Variants in ARHGAP24 observed in about 807,000 individuals in gnomAD.
The protein encoded by ARHGAP24 is Rho GTPase activating protein 24.
ARHGAP24 carries 50 observed loss-of-function variants against 76.4 expected under a neutral mutation model. That is an observed-to-expected ratio of 0.65 (90% CI 0.52 to 0.83). The LOEUF (loss-of-function observed/expected upper bound fraction) is 0.83, where lower values mean the gene tolerates loss of function less well. Among genes scored for constraint, ARHGAP24 ranks in the 40% least tolerant of loss-of-function variants. The pLI is 0.00. For synonymous variants in ARHGAP24, 345 were observed against 323.3 expected, an observed-to-expected ratio of 1.07 and a Z score of -0.72; for missense variants, 930 against 914.2, an observed-to-expected ratio of 1.02 and a Z score of -0.22.
rs181029462 is a variant in ARHGAP24, at chr4:85,506,452, C to T, written c.-21+30893C>T. Among the ~76,000 whole-genome samples the T allele has an allele frequency of 3.2e-3, 493 of 152,316 alleles. 4 individuals are homozygous for T. Among genetic ancestry groups the T allele is most frequent in the African/African-American group, 0.011 (460 of 41,570 alleles). On this transcript the variant is annotated intron_variant, in intron 1 of 9. Coordinates refer to ENST00000395184, the MANE Select transcript of ARHGAP24 (RefSeq NM_001025616.3). ...TTACCTACTCAAGCCTCAGCAATGG[C>T]GGACGCCCCTCCCCCAGCCAGGCTG... is the stretch of plus-strand genomic sequence containing the variant.
At chr4:85,609,470 T>C (rs1720311449) in intron 2 of ARHGAP24, among the ~76,000 whole-genome samples, 1 of 152,252 alleles carries the variant, frequency 6.6e-6, no homozygotes, top group Admixed American at 6.5e-5. Flanking sequence ...CACTATCAGT[T>C]GAGTAATTAC....
chr4:85,715,364 T>A, intron 2 of ARHGAP24, among the ~76,000 whole-genome samples: 1 of 152,204 alleles, frequency 6.6e-6, no homozygotes, highest in South Asian at 2.1e-4. Flanking sequence ...TTGCAAAATA[T>A]GGGCCCAAAA....
chr4:85,729,373 TAA>T (rs1047758389), intron 3 of ARHGAP24, among the ~76,000 whole-genome samples: 1 of 152,210 alleles, frequency 6.6e-6, no homozygotes, highest in Admixed American at 6.5e-5. Context: ...CCTTCCTACT[TAA>T]AATACATTAA....
chr4:85,694,660 C>T (rs1723805362), intron 2 of ARHGAP24, among the ~76,000 whole-genome samples: 1 of 152,130 alleles, frequency 6.6e-6, no homozygotes, highest in South Asian at 2.1e-4. Flanking sequence ...GCCCCTCCAC[C>T]CTCTGTGTGT....
rs544326659 is a variant in ARHGAP24, at chr4:85,532,987, G to A, written c.-20-37535G>A. On this transcript the variant is annotated intron_variant, in intron 1 of 9. Transcript: ENST00000395184. ...GAAACCTGTCTGCTAAGACCATGGGGTGACACCTGGAACAAAGTCATCTTC... is the reference window on the plus strand; with the variant it reads ...GAAACCTGTCTGCTAAGACCATGGGATGACACCTGGAACAAAGTCATCTTC... Among the ~76,000 whole-genome samples, 4 of 152,276 alleles carry A rather than the reference G, an allele frequency of 2.6e-5. No homozygotes were observed. In the East Asian group the frequency reaches 7.7e-4, roughly 29 times the overall value.
At chr4:85,780,133 C>A (rs1233449113) in intron 3 of ARHGAP24, among the ~76,000 whole-genome samples, 1 of 151,794 alleles carries the variant, frequency 6.6e-6, no homozygotes, top group Non-Finnish European at 1.5e-5. Context: ...GCTATTAATT[C>A]TTAGATCAAA....
rs182124194 is a variant in ARHGAP24 at position 85,510,607 on chromosome 4, C to T, written c.-21+35048C>T. ...TCCCCTCTCTCCCCCTTGTCTTCCCCGTCTTCCCCTCCCTCCCCTGTCCTT... is the reference window on the plus strand; with the variant it reads ...TCCCCTCTCTCCCCCTTGTCTTCCCTGTCTTCCCCTCCCTCCCCTGTCCTT... On this transcript the variant is annotated intron_variant, in intron 1 of 9. Transcript: ENST00000395184. 1.8e-3 allele frequency among the ~76,000 whole-genome samples: 275 copies of T among 148,718 alleles called. 1 individual carries two copies. Among genetic ancestry groups the T allele is most frequent in the African/African-American group, 6.1e-3 (245 of 40,202 alleles).
At chr4:85,787,207 T>G (rs1449757162) in intron 3 of ARHGAP24, among the ~76,000 whole-genome samples, 1 of 152,228 alleles carries the variant, frequency 6.6e-6, no homozygotes, top group Non-Finnish European at 1.5e-5. Context: ...AACAAGAGGA[T>G]ATGAGCTTGC....
At chr4:85,902,840 G>C (rs982649903) in intron 3 of ARHGAP24, among the ~76,000 whole-genome samples, 1 of 152,226 alleles carries the variant, frequency 6.6e-6, no homozygotes. Flanking sequence ...CTGAGCTCAG[G>C]TGATCCGCCT....
intron 9 of ARHGAP24, chr4:86,000,080 CTT>C (rs35831725): frequency 3.8e-4 from 54 of 143,382 alleles, no homozygotes; most frequent in Admixed American, 7.5e-4. Context: ...TTATTGCCCT[CTT>C]TTTTTTTTTT....
intron 3 of ARHGAP24, among the ~76,000 whole-genome samples, chr4:85,839,838 GTTTTC>G (rs1209044263): frequency 3.8e-5 from 3 of 78,702 alleles, no homozygotes; most frequent in African/African-American, 1.2e-4. Flanking sequence ...TCTTTTTTCT[GTTTTC>G]TTTTTTTTTT....
rs530143413 is a variant in ARHGAP24 at position 85,687,122 on chromosome 4, G to GGATA, written c.181-34754_181-34751dup. Among the ~76,000 whole-genome samples the GGATA allele has an allele frequency of 5.4e-3, 822 of 151,860 alleles. 7 individuals are homozygous for GGATA. Among genetic ancestry groups the GGATA allele is most frequent in the African/African-American group, 0.019 (779 of 41,272 alleles). ...GGTGATGATGATGATGATGATGGAT[G>GGATA]GATAGATAGATAATTTTAATTAAAA... is the stretch of plus-strand genomic sequence containing the variant. On this transcript the variant is annotated intron_variant, in intron 2 of 9. Transcript: ENST00000395184.
intron 3 of ARHGAP24, among the ~76,000 whole-genome samples, chr4:85,850,233 C>T (rs1396643556): frequency 3.9e-5 from 6 of 152,096 alleles, no homozygotes; most frequent in African/African-American, 9.7e-5. Context: ...AGTTTATTTG[C>T]GTAGAGGTGT....
intron 5 of ARHGAP24, among the ~76,000 whole-genome samples, chr4:85,962,967 G>A (rs6851229): frequency 0.36 from 53,865 of 151,256 alleles, 9,767 homozygotes; most frequent in East Asian, 0.53. Flanking sequence ...GATTGGATAT[G>A]TTTAAAATAA....
chr4:85,758,143 G>A (rs1014256750), intron 3 of ARHGAP24, among the ~76,000 whole-genome samples: 1 of 152,164 alleles, frequency 6.6e-6, no homozygotes, highest in Admixed American at 6.5e-5. Context: ...ATCTATGCTT[G>A]TAAGTATGTG....
chr4:85,870,622 A>ACGAGTG (rs1285531522), intron 3 of ARHGAP24, among the ~76,000 whole-genome samples: 11 of 152,156 alleles, frequency 7.2e-5, no homozygotes, highest in Non-Finnish European at 5.9e-5. Flanking sequence ...ATACGAACAT[A>ACGAGTG]CGAGTGCTTG....
Position 85,624,298 on chromosome 4 carries a change from G to A in ARHGAP24, c.180+53577G>A, listed in dbSNP as rs527355435. On this transcript the variant is annotated intron_variant, in intron 2 of 9. Transcript: ENST00000395184. ...TTTTTGGGAGTTTTTAGCATGAAGC[G>A]TTGTTGAATTTTGTCAAAGGCCTTT... Among the ~76,000 whole-genome samples the A allele has an allele frequency of 9.2e-3, 1,394 of 152,178 alleles. 25 individuals are homozygous for A. Among genetic ancestry groups the A allele is most frequent in the African/African-American group, 0.03 (1,228 of 41,530 alleles).
At chr4:85,650,663 T>A (rs4693728) in intron 2 of ARHGAP24, among the ~76,000 whole-genome samples, 52,991 of 148,540 alleles carry the variant, frequency 0.36, 11,860 homozygotes, top group East Asian at 0.84. Context: ...AGAATGCAAT[T>A]TGTGAATATA....
chr4:85,875,736 A>G (rs12502853), intron 3 of ARHGAP24, among the ~76,000 whole-genome samples: 11 of 138,466 alleles, frequency 7.9e-5, no homozygotes, highest in African/African-American at 3.0e-4. Context: ...ACATATATAT[A>G]TTTTTGGTTG....
Sources: gnomAD v4.1 joint callset for allele counts (sites outside exome capture counted in the v4.1 genomes callset) on GRCh38, gnomAD v4.1.1 for gene constraint, MANE v1.5 for transcripts, NCBI Gene and HGNC (gene_info 2026-07-23, HGNC 2026-07-21) for gene names.